The following ARB2A variants were observed in gnomAD, a reference collection of about 807,000 sequenced individuals.
The protein encoded by ARB2A is cotranscriptional regulator ARB2A.
At chr5:93,641,199 C>CAAAAAAAAAAAAAA in the ARB2A span, among the ~76,000 whole-genome samples, 11 of 100,978 alleles carry the variant, frequency 1.1e-4, no homozygotes, top group Non-Finnish European at 4.1e-5. Context: ...GATTCTGACT[C>CAAAAAAAAAAAAAA]AAAAAAAAAA....
At chr5:93,873,855 A>C in the ARB2A span, among the ~76,000 whole-genome samples, 1 of 152,164 alleles carries the variant, frequency 6.6e-6, no homozygotes, top group Non-Finnish European at 1.5e-5. Flanking sequence ...TGATTAGCAC[A>C]TTTAGGAAAA....
chr5:93,920,764 T>C, the ARB2A span, among the ~76,000 whole-genome samples: 1 of 152,130 alleles, frequency 6.6e-6, no homozygotes, highest in African/African-American at 2.4e-5. Flanking sequence ...TGCATAAAAT[T>C]CACTGCAGTT....
At chr5:93,783,389 G>A in the ARB2A span, among the ~76,000 whole-genome samples, 1 of 152,122 alleles carries the variant, frequency 6.6e-6, no homozygotes, top group East Asian at 1.9e-4. Flanking sequence ...AAAAACAAGT[G>A]ATAACAGACT....
the ARB2A span, chr5:93,683,247 G>A: frequency 1.3e-6 from 2 of 1,513,042 alleles, no homozygotes; most frequent in Admixed American, 1.7e-5. Flanking sequence ...TCAGCAGCAA[G>A]TTTTACTTTT....
At chr5:94,069,640 A>G in the ARB2A span, among the ~76,000 whole-genome samples, 4 of 152,216 alleles carry the variant, frequency 2.6e-5, no homozygotes, top group Non-Finnish European at 4.4e-5. Flanking sequence ...ATAAATAAAC[A>G]TTTCTAAAAA....
the ARB2A span, among the ~76,000 whole-genome samples, chr5:94,007,500 C>T: frequency 1.3e-5 from 2 of 152,132 alleles, no homozygotes; most frequent in South Asian, 2.1e-4. Context: ...AAACTGGGTG[C>T]GGTGGCTCAC....
the ARB2A span, among the ~76,000 whole-genome samples, chr5:93,771,368 G>A: frequency 5.3e-5 from 8 of 151,504 alleles, no homozygotes; most frequent in African/African-American, 1.9e-4. Flanking sequence ...GAAAACCTAG[G>A]CAATACCATT....
At chr5:94,101,001 A>G in the ARB2A span, among the ~76,000 whole-genome samples, 1 of 152,300 alleles carries the variant, frequency 6.6e-6, no homozygotes, top group East Asian at 1.9e-4. Flanking sequence ...TAAACAGACA[A>G]CCTACAGAAT....
chr5:93,921,942 C>A, the ARB2A span, among the ~76,000 whole-genome samples: 4 of 152,096 alleles, frequency 2.6e-5, no homozygotes, highest in South Asian at 8.3e-4. Context: ...CCCAAGAGTT[C>A]AACACTGAAG....
the ARB2A span, among the ~76,000 whole-genome samples, chr5:93,649,146 A>AT: frequency 6.6e-6 from 1 of 152,132 alleles, no homozygotes; most frequent in Non-Finnish European, 1.5e-5. Context: ...TTTTATTATT[A>AT]TTTTTGTTTA....
chr5:94,053,096 G>GATAA, the ARB2A span: 1 of 1,228,456 alleles, frequency 8.1e-7, no homozygotes, highest in Non-Finnish European at 1.2e-6. Flanking sequence ...TAGATAGATA[G>GATAA]ATAGATAGAT....
the ARB2A span, among the ~76,000 whole-genome samples, chr5:93,682,225 T>C: frequency 1.4e-5 from 2 of 147,910 alleles, no homozygotes; most frequent in African/African-American, 2.5e-5. Flanking sequence ...CCCTTAATTT[T>C]AGGATACAGT....
the ARB2A span, among the ~76,000 whole-genome samples, chr5:94,039,379 C>CA: frequency 1.3e-5 from 2 of 152,106 alleles, no homozygotes; most frequent in Non-Finnish European, 2.9e-5. Context: ...GGAAGCTAGC[C>CA]AAAACCCAGT....
the ARB2A span, among the ~76,000 whole-genome samples, chr5:93,857,938 C>A: frequency 6.6e-6 from 1 of 152,192 alleles, no homozygotes; most frequent in Admixed American, 6.5e-5. Context: ...GCTGCCCCCA[C>A]ATTACATGTA....
chr5:93,705,041 T>A, the ARB2A span, among the ~76,000 whole-genome samples: 122 of 152,200 alleles, frequency 8.0e-4, 1 homozygote, highest in Non-Finnish European at 1.5e-3. Flanking sequence ...TATAAAGACA[T>A]CTGCTTTGGG....
chr5:94,059,492 G>A, the ARB2A span, among the ~76,000 whole-genome samples: 6 of 151,452 alleles, frequency 4.0e-5, no homozygotes, highest in East Asian at 7.7e-4. Context: ...GTGGTGGCAC[G>A]CGCCTGTAAT....
the ARB2A span, among the ~76,000 whole-genome samples, chr5:93,876,606 C>T: frequency 2.6e-3 from 394 of 151,802 alleles, 4 homozygotes; most frequent in African/African-American, 9.1e-3. Context: ...CCTGTGTATA[C>T]TAGATACTTG....
chr5:93,836,588 T>G, the ARB2A span, among the ~76,000 whole-genome samples: 13 of 152,378 alleles, frequency 8.5e-5, no homozygotes, highest in Non-Finnish European at 1.5e-4. Flanking sequence ...AGATGTAATT[T>G]TATTTTATCC....
the ARB2A span, among the ~76,000 whole-genome samples, chr5:94,009,363 C>T: frequency 6.6e-6 from 1 of 151,968 alleles, no homozygotes; most frequent in Non-Finnish European, 1.5e-5. Context: ...CCCTCATCAG[C>T]ATTATTTCTT....
Sources: allele counts gnomAD v4.1 joint callset (sites outside exome capture counted in the v4.1 genomes callset), GRCh38; gene constraint gnomAD v4.1.1; transcripts MANE v1.5; gene names NCBI Gene and HGNC (gene_info 2026-07-23, HGNC 2026-07-21).